Variants in TCF7 observed in about 807,000 individuals in gnomAD.
TCF7 encodes transcription factor 7.
A neutral mutation model predicts 46.8 loss-of-function variants in TCF7; 19 were observed. The observed-to-expected ratio is 0.41, with a 90% CI of 0.28 to 0.60. TCF7 has a LOEUF of 0.60. Among genes scored for constraint, TCF7 ranks in the 20% least tolerant of loss-of-function variants. The pLI, the probability that TCF7 is intolerant of heterozygous loss-of-function variation, is 0.35. For missense variants in TCF7, 547 were observed against 504.6 expected, an observed-to-expected ratio of 1.08 and a Z score of -0.81; for synonymous variants, 245 against 213.4, an observed-to-expected ratio of 1.15 and a Z score of -1.29.
chr5:134,117,100 C>A (rs1013558427), intron 3 of TCF7, among the ~76,000 whole-genome samples: 1 of 152,262 alleles, frequency 6.6e-6, no homozygotes, highest in Non-Finnish European at 1.5e-5. Flanking sequence ...TTCCAGAAGC[C>A]TAGGCTGGAA....
chr5:134,127,321 A>T (rs1757474944), intron 3 of TCF7, among the ~76,000 whole-genome samples: 1 of 152,228 alleles, frequency 6.6e-6, no homozygotes, highest in Non-Finnish European at 1.5e-5. Context: ...TGTCTTTCTT[A>T]CTTGAAAGGC....
chr5:134,134,222 T>C (rs1175501638), intron 3 of TCF7, among the ~76,000 whole-genome samples: 1 of 152,220 alleles, frequency 6.6e-6, no homozygotes, highest in African/African-American at 2.4e-5. Context: ...GGGACTGTCT[T>C]CCAAGAGCTG....
At chr5:134,116,316 G>T (rs909430399) in intron 3 of TCF7, among the ~76,000 whole-genome samples, 1 of 152,230 alleles carries the variant, frequency 6.6e-6, no homozygotes, top group African/African-American at 2.4e-5. Context: ...GTGATGCCAG[G>T]GTGGGGTCTT....
At chr5:134,145,241 C>T (rs1301744806) in intron 9 of TCF7, 4 of 554,624 alleles carry the variant, frequency 7.2e-6, no homozygotes, top group Non-Finnish European at 1.4e-5. Flanking sequence ...CCCATGGGCT[C>T]CCTCACTTCC....
chr5:134,146,409 C>T lies in TCF7; in HGVS notation c.*106C>T, dbSNP rs1760716668. On this transcript the variant is annotated 3_prime_UTR_variant, in exon 10 of 10. Coordinates refer to ENST00000342854, the MANE Select transcript of TCF7 (RefSeq NM_003202.5). The stretch of plus-strand genomic sequence containing the variant: ...CCTGCGGAGCCGGCACCTACATCCC[C>T]AGGTCTCTCCACTGCTCTCAGCCTC... 4 of 1,370,390 alleles carry T rather than the reference C, an allele frequency of 2.9e-6. No individual in the cohort carries two copies. Among genetic ancestry groups the T allele is most frequent in the Admixed American group, 1.7e-5 (1 of 59,102 alleles). The allele number at this position is 1,370,390 out of a possible 1,614,324, so 84.9% of individuals were successfully genotyped here.
intron 3 of TCF7, among the ~76,000 whole-genome samples, chr5:134,117,472 G>A (rs1755981771): frequency 6.6e-6 from 1 of 152,244 alleles, no homozygotes; most frequent in African/African-American, 2.4e-5. Context: ...GGGTCACCGT[G>A]GAACCATGAT....
At chr5:134,128,191 A>G (rs1228543215) in intron 3 of TCF7, among the ~76,000 whole-genome samples, 1 of 151,724 alleles carries the variant, frequency 6.6e-6, no homozygotes, top group African/African-American at 2.4e-5. Flanking sequence ...CCACTCCTCA[A>G]CCCCAGTTTG....
At chr5:134,145,706 C>G (rs749442038) in intron 9 of TCF7, 11 of 1,611,268 alleles carry the variant, frequency 6.8e-6, no homozygotes. Flanking sequence ...ACAACCCTGT[C>G]TTCAGGGGAA....
chr5:134,115,021 G>T lies in TCF7; in HGVS notation c.115G>T (p.Asp39Tyr). Residue 39 changes from aspartate to tyrosine, a missense_variant, in exon 1 of 10, where the codon GAC becomes TAC. Asp to Tyr is a radical substitution (Grantham distance 160). Around this residue, in one of 3 missense-constraint regions of TCF7, gnomAD observed 425 missense variants for 349.9 expected, o/e 1.21. Coordinates refer to ENST00000342854, the MANE Select transcript of TCF7 (RefSeq NM_003202.5). ...EGEEQDDKSR[D>Y]SAAGPERDLA... The stretch of plus-strand genomic sequence containing the variant: ...CGAGGAGCAGGACGACAAGAGCCGC[G>T]ACAGCGCCGCCGGTCCCGAGCGCGA... 7.9e-7 allele frequency: 1 copy of T among 1,258,062 alleles called. No individual in the cohort carries two copies. Among genetic ancestry groups the T allele is most frequent in the Non-Finnish European group, 1.0e-6 (1 of 976,868 alleles). The allele number at this position is 1,258,062 out of a possible 1,614,324, so 77.9% of individuals were successfully genotyped here. A position where few individuals can be genotyped will look rare whatever the true frequency, so the allele number is the denominator to read the frequency against.
At chr5:134,115,849 A>AG in intron 2 of TCF7, 60 bp from the exon 3 acceptor site, 1 of 1,609,152 alleles carries the variant, frequency 6.2e-7, no homozygotes, top group Non-Finnish European at 8.5e-7. Flanking sequence ...AAGAGCAGAC[A>AG]GCCTTCAGTC....
intron 9 of TCF7, chr5:134,145,075 T>G (rs549183464): frequency 3.1e-6 from 2 of 639,866 alleles, no homozygotes; most frequent in Admixed American, 4.6e-5. Context: ...TGCAGGAGGA[T>G]TGGAGAGAAA....
At chr5:134,139,439 C>T (rs991916722) in intron 5 of TCF7, 2 of 189,014 alleles carry the variant, frequency 1.1e-5, no homozygotes, top group Non-Finnish European at 2.2e-5. Flanking sequence ...GAGGCTGCTG[C>T]TTCTCAGCTC....
chr5:134,126,103 C>T (rs779499099), intron 3 of TCF7, among the ~76,000 whole-genome samples: 5 of 152,260 alleles, frequency 3.3e-5, no homozygotes, highest in African/African-American at 9.6e-5. Context: ...CTGTGGCTGG[C>T]GTGGTGGCCA....
At chr5:134,133,506 T>C (rs1342858428) in intron 3 of TCF7, among the ~76,000 whole-genome samples, 1 of 152,100 alleles carries the variant, frequency 6.6e-6, no homozygotes, top group African/African-American at 2.4e-5. Context: ...AGCCTGGCCC[T>C]GAGACAGCCT....
chr5:134,142,543 T>C (rs1759992600), intron 6 of TCF7, among the ~76,000 whole-genome samples, 178 bp from the exon 7 acceptor site: 1 of 152,164 alleles, frequency 6.6e-6, no homozygotes, highest in Non-Finnish European at 1.5e-5. Flanking sequence ...GTAGTGTTCC[T>C]ATAAGGAACA....
Position 134,142,590 on chromosome 5 carries a change from T to C in TCF7, c.756-131T>C, listed in dbSNP as rs568606327. ...GTCTGCTCACCCATTTGGGGGCAGC[T>C]AGGAAAGATTCCACTTAGAAAACTC... On this transcript the variant is annotated intron_variant, in intron 6 of 9. Transcript: ENST00000342854. 1.7e-5 allele frequency: 21 copies of C among 1,249,030 alleles called. 1 individual carries two copies. In the South Asian group the frequency reaches 3.1e-4, roughly 19 times the overall value. The allele number at this position is 1,249,030 out of a possible 1,614,324, so 77.4% of individuals were successfully genotyped here.
chr5:134,133,911 G>A (rs939969282), intron 3 of TCF7, among the ~76,000 whole-genome samples: 2 of 152,222 alleles, frequency 1.3e-5, no homozygotes, highest in African/African-American at 2.4e-5. Context: ...GCCAGCAGCT[G>A]TAGACTGGGC....
At chr5:134,134,685 C>T (rs535950033) in intron 3 of TCF7, among the ~76,000 whole-genome samples, 1 of 152,308 alleles carries the variant, frequency 6.6e-6, no homozygotes, top group South Asian at 2.1e-4. Context: ...CTGGTATTCT[C>T]ATCTCCGTTT....
chr5:134,111,662 C>T (rs1755332499), upstream of TCF7, among the ~76,000 whole-genome samples: 1 of 152,062 alleles, frequency 6.6e-6, no homozygotes, highest in Non-Finnish European at 1.5e-5. Flanking sequence ...TTGATGGCCC[C>T]CTTCATGCAA....
Sources: allele counts gnomAD v4.1 joint callset (sites outside exome capture counted in the v4.1 genomes callset), GRCh38; gene constraint gnomAD v4.1.1; regional missense constraint gnomAD v4.1.1; transcripts MANE v1.5; gene names NCBI Gene and HGNC (gene_info 2026-07-23, HGNC 2026-07-21).